SFI1: variants seen among roughly 807,000 people sequenced by gnomAD.
The protein encoded by SFI1 is SFI1 centrin binding protein.
Under a neutral mutation model 207.5 loss-of-function variants are expected in SFI1, and 195 were observed. The observed-to-expected ratio is 0.94, with a 90% confidence interval of 0.84 to 1.06. The LOEUF is 1.06. Among genes scored for constraint, SFI1 ranks in the 50% least tolerant of loss-of-function variants. The pLI is 0.00. For missense variants in SFI1, 1,634 were observed against 1,588.0 expected, an observed-to-expected ratio of 1.03 and a Z score of -0.49; for synonymous variants, 630 against 598.9, an observed-to-expected ratio of 1.05 and a Z score of -0.76.
chr22:31,592,658 A>C (rs1354848570), intron 15 of SFI1, among the ~76,000 whole-genome samples: 3 of 30,304 alleles, frequency 9.9e-5, no homozygotes, highest in South Asian at 4.0e-3. Flanking sequence ...CCTCCCAGAC[A>C]GGGCGGCTGG....
rs56072629 is a variant in SFI1, at chr22:31,562,983, T to TTATATATATA, written c.765+1601_765+1610dup. Among the ~76,000 whole-genome samples, 63 of 142,302 alleles carry TTATATATATA rather than the reference T, an allele frequency of 4.4e-4. 1 individual carries two copies. The highest frequency in any genetic ancestry group is 8.2e-4 in the Non-Finnish European group (53 of 64,834). 93.4% of individuals were successfully genotyped at this position (142,302 alleles called of 152,430 possible). A position where few individuals can be genotyped will look rare whatever the true frequency, so the allele number is the denominator to read the frequency against. ...AGCCAGAAAGCTGCATCATCATCTT[T>TTATATATATA]TATATATATATATATATATGTTTTG... On this transcript the variant is annotated intron_variant, in intron 8 of 32. Transcript: ENST00000400288.
intron 2 of SFI1, among the ~76,000 whole-genome samples, chr22:31,519,208 A>G (rs369299280): frequency 1.3e-5 from 2 of 151,990 alleles, no homozygotes; most frequent in East Asian, 1.9e-4. Context: ...AAATGCATGT[A>G]TTATAAAGGA....
intron 14 of SFI1, among the ~76,000 whole-genome samples, 200 bp from the exon 15 acceptor site, chr22:31,589,247 A>C (rs1208973021): frequency 6.6e-6 from 1 of 150,762 alleles, no homozygotes; most frequent in Non-Finnish European, 1.5e-5. Flanking sequence ...GAAATGTTTA[A>C]CTAATGTTTA....
At chr22:31,510,067 T>A (rs2055261183) in intron 2 of SFI1, among the ~76,000 whole-genome samples, 1 of 152,030 alleles carries the variant, frequency 6.6e-6, no homozygotes, top group African/African-American at 2.4e-5. Flanking sequence ...ATTCCTGAGG[T>A]GATCTGCCCA....
chr22:31,559,629 T>C (rs1025875418), intron 7 of SFI1: 3 of 708,454 alleles, frequency 4.2e-6, no homozygotes, highest in Admixed American at 1.8e-5. Flanking sequence ...AAAGCTGACG[T>C]TGACCTCACC....
At chr22:31,599,111 A>G (rs1299262655) in intron 15 of SFI1, among the ~76,000 whole-genome samples, 3 of 149,106 alleles carry the variant, frequency 2.0e-5, no homozygotes, top group Non-Finnish European at 4.5e-5. Context: ...CTTTTTTTTT[A>G]TGGTTAGTGA....
chr22:31,603,661 G>T lies in SFI1; in HGVS notation c.1806-83G>T, dbSNP rs147301299. The stretch of plus-strand genomic sequence containing the variant: ...TCCCCCAAAAACTTAACCAGGTAGG[G>T]CTATGGACTATGAGGAGGAACCCAT... On this transcript the variant is annotated intron_variant, in intron 17 of 32. Transcript: ENST00000400288. 6 of 1,202,918 alleles carry T rather than the reference G, an allele frequency of 5.0e-6. No homozygotes were observed. In the African/African-American group the frequency reaches 8.0e-5, roughly 16 times the overall value. The allele number at this position is 1,202,918 out of a possible 1,614,324, so 74.5% of individuals were successfully genotyped here. A position where few individuals can be genotyped will look rare whatever the true frequency, so the allele number is the denominator to read the frequency against.
chr22:31,583,550 C>T (rs920314282), intron 12 of SFI1, among the ~76,000 whole-genome samples: 1 of 152,150 alleles, frequency 6.6e-6, no homozygotes, highest in Non-Finnish European at 1.5e-5. Context: ...AACATTTATG[C>T]GAGACTACTT....
chr22:31,510,353 C>T (rs888463234), intron 2 of SFI1, among the ~76,000 whole-genome samples: 1 of 152,034 alleles, frequency 6.6e-6, no homozygotes, highest in African/African-American at 2.4e-5. Flanking sequence ...AGCTACCAAG[C>T]CTGGCCTCTT....
At chr22:31,605,947 CCT>C (rs1352327972) in intron 20 of SFI1, 1 of 222,874 alleles carries the variant, frequency 4.5e-6, no homozygotes, top group African/African-American at 2.3e-5. Context: ...GCAAGAACTC[CCT>C]GAGCTAACTC....
intron 1 of SFI1, among the ~76,000 whole-genome samples, chr22:31,503,054 CAA>C (rs58386828): frequency 3.9e-5 from 4 of 103,124 alleles, no homozygotes; most frequent in Non-Finnish European, 1.8e-5. Flanking sequence ...GACTCTGTCT[CAA>C]AAAAAAAAAA....
At chr22:31,535,832 G>A (rs1285317449) in intron 4 of SFI1, among the ~76,000 whole-genome samples, 5 of 152,042 alleles carry the variant, frequency 3.3e-5, no homozygotes, top group Non-Finnish European at 5.9e-5. Flanking sequence ...GAACTCATGG[G>A]CTCAATTAAT....
At chr22:31,566,513 C>T (rs1778365742) in intron 8 of SFI1, among the ~76,000 whole-genome samples, 1 of 152,204 alleles carries the variant, frequency 6.6e-6, no homozygotes, top group South Asian at 2.1e-4. Flanking sequence ...AAGCAGTAAG[C>T]AACAGTGTAG....
At chr22:31,500,109 A>G (rs2053476471) in intron 1 of SFI1, among the ~76,000 whole-genome samples, 1 of 151,500 alleles carries the variant, frequency 6.6e-6, no homozygotes, top group African/African-American at 2.4e-5. Flanking sequence ...ACTTGAGGTC[A>G]GTAGTTCAAG....
Position 31,613,458 on chromosome 22 carries a change from C to T in SFI1, c.2670C>T (p.Ala890=), listed in dbSNP as rs750532544. Residue 890 remains alanine (A), a synonymous_variant, in exon 26 of 33, where the codon GCC becomes GCT. Coordinates refer to ENST00000400288, the MANE Select transcript of SFI1 (RefSeq NM_001007467.3). ...AYQGQLLQEG[A]TRLLRFAASM... ...AGGGGCAGCTCCTCCAGGAGGGTGC[C>T]ACGCGGCTCCTGCGCTTTGCAGCCA... 1.9e-6 allele frequency: 3 copies of T among 1,605,436 alleles called. No homozygotes were observed. Among genetic ancestry groups the T allele is most frequent in the South Asian group, 1.1e-5 (1 of 90,914 alleles).
At chr22:31,548,192 C>T (rs1045677730) in intron 5 of SFI1, among the ~76,000 whole-genome samples, 2 of 151,188 alleles carry the variant, frequency 1.3e-5, no homozygotes, top group African/African-American at 4.9e-5. Flanking sequence ...TGCACTCCAG[C>T]CTGGGCAACA....
At chr22:31,520,739 T>C (rs1204806089) in intron 2 of SFI1, among the ~76,000 whole-genome samples, 6 of 151,726 alleles carry the variant, frequency 4.0e-5, no homozygotes, top group African/African-American at 1.2e-4. Flanking sequence ...CAGGCACTTA[T>C]AATCCCAGAA....
intron 2 of SFI1, among the ~76,000 whole-genome samples, chr22:31,514,424 C>T (rs1232173799): frequency 1.4e-5 from 2 of 140,632 alleles, no homozygotes; most frequent in Non-Finnish European, 3.0e-5. Flanking sequence ...AGGAGAATGG[C>T]GTGGACCTAG....
intron 31 of SFI1, 50 bp downstream of exon 31, chr22:31,617,128 C>T (rs2071702799): frequency 3.1e-6 from 5 of 1,597,210 alleles, no homozygotes; most frequent in African/African-American, 2.7e-5. Context: ...GCAGGTGTTG[C>T]CTGGAGAGGT....
Sources: gnomAD v4.1 joint callset for allele counts (sites outside exome capture counted in the v4.1 genomes callset) on GRCh38, gnomAD v4.1.1 for gene constraint, MANE v1.5 for transcripts, NCBI Gene and HGNC (gene_info 2026-07-23, HGNC 2026-07-21) for gene names.